Variants in UBAP1 observed in about 807,000 individuals in gnomAD.
UBAP1 encodes the protein ubiquitin-associated protein 1.
Under a neutral mutation model 39.0 loss-of-function variants are expected in UBAP1, and 5 were observed. That is an observed-to-expected ratio of 0.13 (90% CI 0.07 to 0.27). UBAP1 has a LOEUF of 0.27. Among genes scored for constraint, UBAP1 ranks in the 10% least tolerant of loss-of-function variants. The probability of loss-of-function intolerance (pLI) is 1.00; values close to 1 mark genes in which losing one functional copy is unlikely to be tolerated. For missense variants in UBAP1, 490 were observed against 608.1 expected (o/e 0.81, Z 2.04); for synonymous variants, 211 against 225.1 (o/e 0.94, Z 0.56).
At chr9:34,203,525 A>G (rs1165347680) in intron 1 of UBAP1, among the ~76,000 whole-genome samples, 1 of 152,214 alleles carries the variant, frequency 6.6e-6, no homozygotes, top group Non-Finnish European at 1.5e-5. Flanking sequence ...TTGTCCTCGT[A>G]GTGCATAAAG....
rs1015963918 is a variant in UBAP1, at chr9:34,193,207, G to T, written c.-8+13967G>T. Among the ~76,000 whole-genome samples the T allele has an allele frequency of 2.0e-5, 3 of 152,032 alleles. No homozygotes were observed. The South Asian group carries it at 6.2e-4, about 32-fold the overall frequency. On this transcript the variant is annotated intron_variant, in intron 1 of 6. Transcript: ENST00000297661. ...CACCTAGAATCCCAGTTACTCAGGG[G>T]GGCTGAGGCAGGAGGATCGCTTGAA...
intron 1 of UBAP1, among the ~76,000 whole-genome samples, chr9:34,211,212 A>G (rs1171218065): frequency 1.3e-5 from 2 of 152,062 alleles, no homozygotes; most frequent in African/African-American, 2.4e-5. Context: ...TATTTTACTG[A>G]TGAGGGAGCT....
At chr9:34,226,105 T>TTGTGTGTGTGTGTG (rs74180553) in intron 2 of UBAP1, among the ~76,000 whole-genome samples, 23 of 88,302 alleles carry the variant, frequency 2.6e-4, no homozygotes, top group East Asian at 6.3e-4. Context: ...TCCTACTCTA[T>TTGTGTGTGTGTGTG]TGTGTGTGTG....
chr9:34,205,076 G>GCGCCATCA (rs1329410464), intron 1 of UBAP1, among the ~76,000 whole-genome samples: 1 of 152,052 alleles, frequency 6.6e-6, no homozygotes, highest in East Asian at 1.9e-4. Flanking sequence ...GAGTGCAGTG[G>GCGCCATCA]CGCCATCACT....
At chr9:34,212,429 A>ACACACACT (rs1456574565) in intron 1 of UBAP1, among the ~76,000 whole-genome samples, 1 of 142,776 alleles carries the variant, frequency 7.0e-6, no homozygotes, top group Admixed American at 7.0e-5. Flanking sequence ...ACACACACTT[A>ACACACACT]TAGTTATTTT....
rs879443779 is a variant in UBAP1 at position 34,199,959 on chromosome 9, AT to A, written c.-8+20730del. On this transcript the variant is annotated intron_variant, in intron 1 of 6. Coordinates refer to ENST00000297661, the MANE Select transcript of UBAP1 (RefSeq NM_016525.5). ...CTGCACCCAACCCAGGTTTTCTACA[AT>A]TTTTTTTTTTCTATTTCAGGATCCA... Among the ~76,000 whole-genome samples, 35 of 147,560 alleles carry A rather than the reference AT, an allele frequency of 2.4e-4. No individual in the cohort carries two copies. The East Asian group carries it at 3.4e-3, about 14-fold the overall frequency.
At chr9:34,197,959 C>G (rs1029822412) in intron 1 of UBAP1, among the ~76,000 whole-genome samples, 1 of 152,058 alleles carries the variant, frequency 6.6e-6, no homozygotes, top group Admixed American at 6.5e-5. Flanking sequence ...AAGACCTTCA[C>G]CAGTCAGCCT....
rs1563877905 is a variant in UBAP1, at chr9:34,179,048, G to A, written c.-200G>A. 4 of 1,267,692 alleles carry A rather than the reference G, an allele frequency of 3.2e-6. No individual in the cohort carries two copies. Among genetic ancestry groups the A allele is most frequent in the Non-Finnish European group, 4.0e-6 (4 of 1,004,328 alleles). 78.5% of individuals were successfully genotyped at this position (1,267,692 alleles called of 1,614,324 possible). A position where few individuals can be genotyped will look rare whatever the true frequency, so the allele number is the denominator to read the frequency against. ...GGCGGTGAGGGGAAGGAGGAGGGAA[G>A]TAGGACTTCAACATGGCGGCTGCGG... On this transcript the variant is annotated 5_prime_UTR_variant, in exon 1 of 7. Transcript: ENST00000297661.
chr9:34,215,324 A>T (rs1474022879), intron 1 of UBAP1, among the ~76,000 whole-genome samples: 2 of 134,812 alleles, frequency 1.5e-5, no homozygotes, highest in Non-Finnish European at 3.1e-5. Flanking sequence ...TATATGTGTC[A>T]TATATATATA....
At chr9:34,199,254 T>C (rs1484272952) in intron 1 of UBAP1, among the ~76,000 whole-genome samples, 1 of 152,050 alleles carries the variant, frequency 6.6e-6, no homozygotes, top group Admixed American at 6.6e-5. Context: ...TTTGTATTTT[T>C]AGTAGAGATG....
chr9:34,198,704 C>T (rs1178238534), intron 1 of UBAP1, among the ~76,000 whole-genome samples: 1 of 152,188 alleles, frequency 6.6e-6, no homozygotes. Flanking sequence ...GTCTAGCCCT[C>T]CCATTTCTTC....
At chr9:34,251,321 A>G (rs1406742391) in intron 6 of UBAP1, 71 bp from the exon 7 acceptor site, 158 of 1,535,134 alleles carry the variant, frequency 1.0e-4, no homozygotes, top group Non-Finnish European at 1.4e-4. Context: ...CGTCCCACAC[A>G]CACACTCCTT....
intron 1 of UBAP1, among the ~76,000 whole-genome samples, chr9:34,193,531 A>T (rs935920823): frequency 6.6e-6 from 1 of 152,006 alleles, no homozygotes; most frequent in African/African-American, 2.4e-5. Flanking sequence ...CCTGGACACC[A>T]GTTGCATGTC....
chr9:34,197,792 C>T (rs1481674034), intron 1 of UBAP1, among the ~76,000 whole-genome samples: 1 of 152,100 alleles, frequency 6.6e-6, no homozygotes, highest in African/African-American at 2.4e-5. Flanking sequence ...TCAGGTGATC[C>T]ACCTGCCTCA....
At chr9:34,190,421 C>T (rs888232905) in intron 1 of UBAP1, among the ~76,000 whole-genome samples, 3 of 152,054 alleles carry the variant, frequency 2.0e-5, no homozygotes, top group Admixed American at 6.6e-5. Flanking sequence ...TCCTGAGTAG[C>T]TGGGATTACA....
chr9:34,202,532 T>A (rs888258061), intron 1 of UBAP1, among the ~76,000 whole-genome samples: 3 of 151,790 alleles, frequency 2.0e-5, no homozygotes, highest in South Asian at 4.2e-4. Flanking sequence ...ATTTGAGAGA[T>A]TCTGTTTTCT....
intron 1 of UBAP1, among the ~76,000 whole-genome samples, chr9:34,182,669 TTC>T (rs200953266): frequency 4.3e-5 from 2 of 47,040 alleles, no homozygotes; most frequent in Non-Finnish European, 1.2e-4. Flanking sequence ...CTTTCTTTCT[TTC>T]TTTCTTTCTT....
intron 2 of UBAP1, among the ~76,000 whole-genome samples, chr9:34,232,470 C>G (rs1011853123): frequency 6.6e-6 from 1 of 152,052 alleles, no homozygotes; most frequent in African/African-American, 2.4e-5. Context: ...AAATTGATCA[C>G]AGTTGTAAAT....
intron 2 of UBAP1, among the ~76,000 whole-genome samples, chr9:34,228,736 A>ATTTAT (rs774074157): frequency 7.1e-5 from 10 of 140,934 alleles, no homozygotes; most frequent in African/African-American, 2.6e-4. Flanking sequence ...TGCCTAGCTA[A>ATTTAT]TTTTTTTTTT....
Sources: gnomAD v4.1 joint callset for allele counts (sites outside exome capture counted in the v4.1 genomes callset) on GRCh38, gnomAD v4.1.1 for gene constraint, MANE v1.5 for transcripts, NCBI Gene and HGNC (gene_info 2026-07-23, HGNC 2026-07-21) for gene names.